SLC1A3: variants seen among roughly 807,000 people sequenced by gnomAD.
SLC1A3 encodes solute carrier family 1 member 3, also known as excitatory amino acid transporter 1.
A neutral mutation model predicts 48.1 loss-of-function variants in SLC1A3; 21 were observed. The ratio of observed to expected loss-of-function variants is 0.44; its 90% confidence interval spans 0.31 to 0.63. The LOEUF (loss-of-function observed/expected upper bound fraction) is 0.63. Among genes scored for constraint, SLC1A3 ranks in the 20% least tolerant of loss-of-function variants. SLC1A3 has a pLI of 0.08. For missense variants in SLC1A3, 546 were observed against 689.0 expected (o/e 0.79, Z 2.32); for synonymous variants, 239 against 251.4 (o/e 0.95, Z 0.47).
chr5:36,614,056 G>A (rs1172473554), intron 2 of SLC1A3, among the ~76,000 whole-genome samples: 1 of 152,166 alleles, frequency 6.6e-6, no homozygotes, highest in Non-Finnish European at 1.5e-5. Context: ...GTGCTCTGGA[G>A]TCAGACAGCC....
chr5:36,661,286 C>T (rs1419268511), intron 3 of SLC1A3, among the ~76,000 whole-genome samples: 2 of 152,088 alleles, frequency 1.3e-5, no homozygotes, highest in Admixed American at 6.6e-5. Flanking sequence ...GTGGTGGGCA[C>T]CTGTAATCCC....
At chr5:36,609,095 G>A (rs1010999462) in intron 2 of SLC1A3, 2 of 986,996 alleles carry the variant, frequency 2.0e-6, no homozygotes, top group Non-Finnish European at 1.2e-6. Flanking sequence ...TATTTTATGT[G>A]TTTGCACTCT....
In SLC1A3 at chr5:36,679,712, A is replaced by G; in HGVS notation, c.946A>G (p.Met316Val). 6.2e-7 allele frequency: 1 copy of G among 1,613,978 alleles called. No individual in the cohort carries two copies. Among genetic ancestry groups the G allele is most frequent in the Non-Finnish European group, 8.5e-7 (1 of 1,179,888 alleles). The change falls in exon 7 of 10, where the codon ATG becomes GTG. Residue 316 changes from methionine to valine, a missense_variant. Coordinates refer to ENST00000265113, the MANE Select transcript of SLC1A3 (RefSeq NM_004172.5). ...DMGVIGGQLA[M>V]YTVTVIVGLL... ...GGGTGTGATTGGGGGGCAGCTTGCCATGTACACCGTGACTGTCATTGTTGG... is the reference window on the plus strand; with the variant it reads ...GGGTGTGATTGGGGGGCAGCTTGCCGTGTACACCGTGACTGTCATTGTTGG...
Position 36,627,936 on chromosome 5 carries a change from C to A in SLC1A3, c.182-1514C>A, listed in dbSNP as rs912176369. Reference sequence around the variant, plus strand: ...TAAGTTAGTGGTAAAATAGTACCCTCCTCCTGGGGTTGTTGCAAGGATTAA... The same window carrying A: ...TAAGTTAGTGGTAAAATAGTACCCTACTCCTGGGGTTGTTGCAAGGATTAA... On this transcript the variant is annotated intron_variant, in intron 2 of 9. Transcript: ENST00000265113. Among the ~76,000 whole-genome samples, 8 of 152,292 alleles carry A rather than the reference C, an allele frequency of 5.3e-5. No individual in the cohort carries two copies. The South Asian group carries it at 1.2e-3, about 24-fold the overall frequency.
intron 1 of SLC1A3, among the ~76,000 whole-genome samples, chr5:36,599,901 A>C (rs1019483646): frequency 6.6e-6 from 1 of 152,004 alleles, no homozygotes; most frequent in East Asian, 1.9e-4. Flanking sequence ...GGCTCACCGC[A>C]ACCTCCGACT....
chr5:36,670,285 G>A (rs1183803335), intron 3 of SLC1A3, among the ~76,000 whole-genome samples: 6 of 152,190 alleles, frequency 3.9e-5, no homozygotes, highest in Non-Finnish European at 8.8e-5. Context: ...TATTTAGCAT[G>A]AGATGAGGCA....
At chr5:36,634,258 G>A (rs1234798387) in intron 3 of SLC1A3, among the ~76,000 whole-genome samples, 2 of 143,392 alleles carry the variant, frequency 1.4e-5, no homozygotes, top group Non-Finnish European at 3.0e-5. Context: ...CCTGGGTAAC[G>A]GAGTGAGGCT....
At chr5:36,643,766 G>A (rs547097556) in intron 3 of SLC1A3, among the ~76,000 whole-genome samples, 41 of 152,200 alleles carry the variant, frequency 2.7e-4, no homozygotes, top group Non-Finnish European at 2.4e-4. Flanking sequence ...TGGCCGAGGC[G>A]GGTGGATCAT....
chr5:36,631,242 T>G (rs1344094690), intron 3 of SLC1A3, among the ~76,000 whole-genome samples: 1 of 152,212 alleles, frequency 6.6e-6, no homozygotes, highest in Admixed American at 6.5e-5. Flanking sequence ...GTGCTGAAAA[T>G]CCAATGTGTT....
upstream of SLC1A3, among the ~76,000 whole-genome samples, chr5:36,602,979 T>G (rs568841936): frequency 5.3e-5 from 8 of 152,376 alleles, no homozygotes; most frequent in African/African-American, 1.9e-4. Context: ...GTCAGTATTT[T>G]TCAGTGTGAA....
At chr5:36,680,076 T>C (rs978019577) in intron 7 of SLC1A3, among the ~76,000 whole-genome samples, 4 of 152,296 alleles carry the variant, frequency 2.6e-5, no homozygotes, top group African/African-American at 9.6e-5. Flanking sequence ...AACTATCCTT[T>C]CCCGTCCACT....
chr5:36,626,329 G>T (rs1255706574), intron 2 of SLC1A3, among the ~76,000 whole-genome samples: 1 of 152,140 alleles, frequency 6.6e-6, no homozygotes, highest in Admixed American at 6.6e-5. Flanking sequence ...ATCATTAGCA[G>T]AACAGCTATT....
intron 2 of SLC1A3, among the ~76,000 whole-genome samples, chr5:36,623,014 CAA>C (rs1158762437): frequency 5.8e-5 from 3 of 51,944 alleles, no homozygotes; most frequent in Non-Finnish European, 4.2e-5. Flanking sequence ...TCCATCATCT[CAA>C]AAAAAAAAAA....
intron 2 of SLC1A3, among the ~76,000 whole-genome samples, chr5:36,616,502 C>T (rs1579952165): frequency 6.6e-6 from 1 of 152,210 alleles, no homozygotes; most frequent in African/African-American, 2.4e-5. Context: ...GTTTCTGTCT[C>T]CAGAGAGGGC....
upstream of SLC1A3, among the ~76,000 whole-genome samples, chr5:36,605,526 G>GA (rs1224903201): frequency 6.6e-6 from 1 of 152,026 alleles, no homozygotes; most frequent in Non-Finnish European, 1.5e-5. Context: ...GTATTGAGGG[G>GA]AAAAAAGACA....
intron 1 of SLC1A3, among the ~76,000 whole-genome samples, chr5:36,598,916 T>C (rs945158095): frequency 1.3e-5 from 2 of 152,182 alleles, no homozygotes; most frequent in African/African-American, 2.4e-5. Flanking sequence ...GAGTGAGCCA[T>C]GGTGCCCAAC....
intron 3 of SLC1A3, among the ~76,000 whole-genome samples, chr5:36,637,673 G>A (rs941278568): frequency 1.3e-5 from 2 of 152,194 alleles, no homozygotes; most frequent in Admixed American, 6.5e-5. Context: ...TTCCAAGAGA[G>A]TGAGTTACCT....
At chr5:36,626,577 CAT>C (rs1223834247) in intron 2 of SLC1A3, among the ~76,000 whole-genome samples, 7 of 152,272 alleles carry the variant, frequency 4.6e-5, no homozygotes, top group Admixed American at 2.6e-4. Context: ...TTATCATGCA[CAT>C]GTTTTGTTAT....
intron 3 of SLC1A3, among the ~76,000 whole-genome samples, chr5:36,639,243 A>G (rs986943871): frequency 5.9e-5 from 9 of 152,332 alleles, no homozygotes; most frequent in African/African-American, 1.7e-4. Flanking sequence ...CGATGGGGAT[A>G]ATAGTAGTAT....
Sources: gnomAD v4.1 joint callset for allele counts (sites outside exome capture counted in the v4.1 genomes callset) on GRCh38, gnomAD v4.1.1 for gene constraint, MANE v1.5 for transcripts, NCBI Gene and HGNC (gene_info 2026-07-23, HGNC 2026-07-21) for gene names.